GALNT18: variants seen among roughly 807,000 people sequenced by gnomAD.
The protein encoded by GALNT18 is polypeptide N-acetylgalactosaminyltransferase 18, also known as GalNAc-transferase 18.
In GALNT18, 44 loss-of-function variants were observed where a neutral mutation model predicts 69.5. The observed-to-expected ratio is 0.63, with a 90% confidence interval of 0.50 to 0.81. GALNT18 has a LOEUF of 0.81. GALNT18 is among the 40% of genes least tolerant of loss of function. The probability of loss-of-function intolerance (pLI) is 0.00; values close to 1 mark genes in which losing one functional copy is unlikely to be tolerated. For synonymous variants in GALNT18, 364 were observed against 318.2 expected (o/e 1.14, Z -1.53); for missense variants, 715 against 810.0 (o/e 0.88, Z 1.42).
At chr11:11,280,337 G>T (rs1462380085) in intron 10 of GALNT18, among the ~76,000 whole-genome samples, 2 of 152,250 alleles carry the variant, frequency 1.3e-5, no homozygotes, top group East Asian at 3.9e-4. Flanking sequence ...GACCTTGAAG[G>T]CCAGCCTCTC....
chr11:11,456,803 T>C (rs1044104161), intron 1 of GALNT18, among the ~76,000 whole-genome samples: 1 of 152,162 alleles, frequency 6.6e-6, no homozygotes, highest in African/African-American at 2.4e-5. Flanking sequence ...TTTCAAAAAG[T>C]TCTACCAATG....
At chr11:11,364,793 A>G (rs12787100) in intron 6 of GALNT18, among the ~76,000 whole-genome samples, 35,838 of 152,158 alleles carry the variant, frequency 0.24, 4,883 homozygotes, top group Middle Eastern at 0.32. Context: ...TATTTTGGAT[A>G]CATACTGAAA....
rs1393782948 is a variant in GALNT18 at position 11,618,391 on chromosome 11, G to C, written c.235+2968C>G. 6.6e-6 allele frequency among the ~76,000 whole-genome samples: 1 copy of C among 152,218 alleles called. No individual in the cohort carries two copies. The highest frequency in any genetic ancestry group is 2.4e-5 in the African/African-American group (1 of 41,444). On this transcript the variant is annotated intron_variant, in intron 1 of 10. Coordinates refer to ENST00000227756, the MANE Select transcript of GALNT18 (RefSeq NM_198516.3). This position sits in a 1 kb window ranked among gnomAD's most constrained non-coding sequence, Gnocchi z 6.1. ...TGCAGAATGTGCCAGGGACTGTCCT[G>C]CATGTTCAGTAAACATTAGTTAAAG... is the stretch of plus-strand genomic sequence containing the variant.
chr11:11,397,241 G>A (rs1293845333), intron 3 of GALNT18, among the ~76,000 whole-genome samples: 2 of 152,140 alleles, frequency 1.3e-5, no homozygotes, highest in Non-Finnish European at 2.9e-5. Flanking sequence ...GGAAATGCCC[G>A]TGTCTTTTCA....
At position 11,613,776 on chromosome 11, in the gene GALNT18, G is replaced by A. The variant is rs1465023860; in HGVS notation, c.235+7583C>T. Among the ~76,000 whole-genome samples the A allele has an allele frequency of 1.3e-5, 2 of 152,202 alleles. No homozygotes were observed. The highest frequency in any genetic ancestry group is 4.8e-5 in the African/African-American group (2 of 41,458). Reference sequence around the variant, plus strand: ...CAGCATGGTCCACCATTCATTGATGGTGGCTTAGCCACCAGTGGACCTCAG... The same window carrying A: ...CAGCATGGTCCACCATTCATTGATGATGGCTTAGCCACCAGTGGACCTCAG... On this transcript the variant is annotated intron_variant, in intron 1 of 10. Coordinates refer to ENST00000227756, the MANE Select transcript of GALNT18 (RefSeq NM_198516.3). The surrounding 1 kb of genome is among the most constrained non-coding windows in gnomAD (Gnocchi z 4.2).
At chr11:11,550,921 A>G (rs1565007389) in intron 1 of GALNT18, among the ~76,000 whole-genome samples, 1 of 152,144 alleles carries the variant, frequency 6.6e-6, no homozygotes, top group Non-Finnish European at 1.5e-5. Flanking sequence ...ATAGAGATTT[A>G]ATTGTTATTG....
intron 2 of GALNT18, among the ~76,000 whole-genome samples, chr11:11,443,942 T>C (rs1014131314): frequency 6.6e-6 from 1 of 152,124 alleles, no homozygotes; most frequent in Admixed American, 6.5e-5. Context: ...GCAGATGAGG[T>C]TGGAAAAACT....
chr11:11,425,710 C>G (rs1057199901), intron 3 of GALNT18, among the ~76,000 whole-genome samples: 8 of 152,072 alleles, frequency 5.3e-5, no homozygotes, highest in African/African-American at 1.9e-4. Flanking sequence ...AAAGAGTTCA[C>G]GTTCACTGGG....
In GALNT18 at chr11:11,387,589, T is replaced by G. The variant is rs982263441; in HGVS notation, c.596-8325A>C. 6.6e-6 allele frequency among the ~76,000 whole-genome samples: 1 copy of G among 152,252 alleles called. No individual in the cohort carries two copies. The highest frequency in any genetic ancestry group is 2.4e-5 in the African/African-American group (1 of 41,472). Reference sequence around the variant, plus strand: ...TCTTCAGATCAGAAGATTAACTGGCTTTTCTCTGAAGCCATTTAGGGCCAT... The same window carrying G: ...TCTTCAGATCAGAAGATTAACTGGCGTTTCTCTGAAGCCATTTAGGGCCAT... On this transcript the variant is annotated intron_variant, in intron 3 of 10. Coordinates refer to ENST00000227756, the MANE Select transcript of GALNT18 (RefSeq NM_198516.3). This position sits in a 1 kb window ranked among gnomAD's most constrained non-coding sequence, Gnocchi z 4.6.
rs949126972 is a variant in GALNT18 at position 11,439,605 on chromosome 11, C to T, written c.429-6818G>A. Among the ~76,000 whole-genome samples, 1 of 152,200 alleles carries T rather than the reference C, an allele frequency of 6.6e-6. No homozygotes were observed. Among genetic ancestry groups the T allele is most frequent in the African/African-American group, 2.4e-5 (1 of 41,458 alleles). On this transcript the variant is annotated intron_variant, in intron 2 of 10. Coordinates refer to ENST00000227756, the MANE Select transcript of GALNT18 (RefSeq NM_198516.3). This position sits in a 1 kb window ranked among gnomAD's most constrained non-coding sequence, Gnocchi z 4.4. ...GTCAGTGTCTCCACTAGACTATAAGCTGTACAAGGTTAGGGCCGTGTCTGC... is the reference window on the plus strand; with the variant it reads ...GTCAGTGTCTCCACTAGACTATAAGTTGTACAAGGTTAGGGCCGTGTCTGC...
chr11:11,397,032 G>T (rs1854348198), intron 3 of GALNT18, among the ~76,000 whole-genome samples: 1 of 152,098 alleles, frequency 6.6e-6, no homozygotes, highest in African/African-American at 2.4e-5. Context: ...TGGCAAATGT[G>T]TGCAGACACA....
In GALNT18 at chr11:11,332,763, G is replaced by A. The variant is rs1850041217; in HGVS notation, c.1347C>T (p.Thr449=). ...ACACGCTGACCAGGTACCACCGGAA[G>A]GTCTTGCACTGCAGCTGTTTCCTGA... ...KALRKQLQCK[T]FRWYLVSVYP... Residue 449 remains threonine (T), a synonymous_variant, in exon 8 of 11, where the codon ACC becomes ACT. Transcript: ENST00000227756. This position sits in a 1 kb window ranked among gnomAD's most constrained non-coding sequence, Gnocchi z 4.3. The A allele has an allele frequency of 2.5e-6, 4 of 1,613,950 alleles. No homozygotes were observed. The highest frequency in any genetic ancestry group is 2.7e-5 in the African/African-American group (2 of 74,904).
chr11:11,466,780 G>C (rs1856164249), intron 1 of GALNT18, among the ~76,000 whole-genome samples: 1 of 152,212 alleles, frequency 6.6e-6, no homozygotes. Context: ...TGCTAAAGAT[G>C]ACACAGAGAG....
chr11:11,390,968 G>C (rs1381327968), intron 3 of GALNT18, among the ~76,000 whole-genome samples: 3 of 152,206 alleles, frequency 2.0e-5, no homozygotes, highest in Non-Finnish European at 4.4e-5. Flanking sequence ...GACAATGCCT[G>C]GCATGTTGTG....
chr11:11,280,412 G>A (rs1849047060), intron 10 of GALNT18, among the ~76,000 whole-genome samples: 1 of 152,060 alleles, frequency 6.6e-6, no homozygotes, highest in Non-Finnish European at 1.5e-5. Flanking sequence ...CACCTCCAGG[G>A]AGAAGGATCT....
rs1342908260 is a variant in GALNT18 at position 11,396,886 on chromosome 11, A to G, written c.596-17622T>C. Among the ~76,000 whole-genome samples the G allele has an allele frequency of 1.3e-5, 2 of 152,136 alleles. No homozygotes were observed. Among genetic ancestry groups the G allele is most frequent in the Non-Finnish European group, 2.9e-5 (2 of 68,016 alleles). ...TTCCAGTCAAAGCAGGGTGCTGGAC[A>G]ACTTGCTGAGCTAACAACTTCCTCT... is the stretch of plus-strand genomic sequence containing the variant. On this transcript the variant is annotated intron_variant, in intron 3 of 10. Coordinates refer to ENST00000227756, the MANE Select transcript of GALNT18 (RefSeq NM_198516.3). This position sits in a 1 kb window ranked among gnomAD's most constrained non-coding sequence, Gnocchi z 5.2.
intron 9 of GALNT18, among the ~76,000 whole-genome samples, chr11:11,300,418 G>A (rs559142036): frequency 2.0e-5 from 3 of 152,260 alleles, no homozygotes; most frequent in Admixed American, 1.3e-4. Context: ...AGAAAACAAC[G>A]GAATTGGCCA....
In GALNT18 at chr11:11,541,754, C is replaced by T. The variant is rs1028024746; in HGVS notation, c.235+79605G>A. ...TGGGGATTCCTCCCTTCAGCCAAGC[C>T]TCCCAGAGAAAGATGCTCAGACTAC... On this transcript the variant is annotated intron_variant, in intron 1 of 10. Coordinates refer to ENST00000227756, the MANE Select transcript of GALNT18 (RefSeq NM_198516.3). This position sits in a 1 kb window ranked among gnomAD's most constrained non-coding sequence, Gnocchi z 4.8. Among the ~76,000 whole-genome samples the T allele has an allele frequency of 7.7e-6, 1 of 130,106 alleles. No individual in the cohort carries two copies. Among genetic ancestry groups the T allele is most frequent in the Non-Finnish European group, 1.6e-5 (1 of 61,326 alleles). 85.4% of individuals were successfully genotyped at this position (130,106 alleles called of 152,430 possible).
chr11:11,294,515 A>G (rs1849361059), intron 9 of GALNT18, among the ~76,000 whole-genome samples: 1 of 152,068 alleles, frequency 6.6e-6, no homozygotes, highest in African/African-American at 2.4e-5. Flanking sequence ...TTCAAAGGAC[A>G]GCAGCCAGGC....
Sources: allele counts gnomAD v4.1 joint callset (sites outside exome capture counted in the v4.1 genomes callset), GRCh38; gene constraint gnomAD v4.1.1; non-coding constraint Gnocchi (gnomAD v3.1); transcripts MANE v1.5; gene names NCBI Gene and HGNC (gene_info 2026-07-23, HGNC 2026-07-21).